Variants in MAGI2 observed in about 807,000 individuals in gnomAD.
MAGI2 encodes membrane-associated guanylate kinase, WW and PDZ domain-containing protein 2.
MAGI2 carries 35 observed loss-of-function variants against 133.3 expected under a neutral mutation model. The observed-to-expected ratio is 0.26, with a 90% confidence interval of 0.20 to 0.35. MAGI2 has a LOEUF of 0.35. Ranked by LOEUF, MAGI2 falls within the 10% of genes least tolerant of loss-of-function variation. The pLI is 1.00. For synonymous variants in MAGI2, 729 were observed against 710.6 expected, an observed-to-expected ratio of 1.03 and a Z score of -0.41; for missense variants, 1,636 against 1,863.4, an observed-to-expected ratio of 0.88 and a Z score of 2.25.
rs575572250 is a variant in MAGI2, at chr7:78,983,215, A to G, written c.418+23875T>C. Among the ~76,000 whole-genome samples the G allele has an allele frequency of 8.5e-5, 13 of 152,130 alleles. No homozygotes were observed. In the South Asian group the frequency reaches 2.3e-3, roughly 27 times the overall value. On this transcript the variant is annotated intron_variant, in intron 2 of 21. Coordinates refer to ENST00000354212, the MANE Select transcript of MAGI2 (RefSeq NM_012301.4). ...TGTGGCTTGCATTGTATTTTAATGA[A>G]CAGTACTTTAGATTTAGGGAATAAG...
chr7:79,446,764 CA>C (rs2129203267), intron 1 of MAGI2, among the ~76,000 whole-genome samples: 1 of 152,238 alleles, frequency 6.6e-6, no homozygotes, highest in East Asian at 1.9e-4. Context: ...TCCTGGCTAA[CA>C]CGGTGAAACC....
intron 3 of MAGI2, among the ~76,000 whole-genome samples, chr7:78,539,695 G>A (rs1035762311): frequency 6.6e-6 from 1 of 152,110 alleles, no homozygotes; most frequent in African/African-American, 2.4e-5. Context: ...CCACCCAGTG[G>A]TACTGGGTTG....
intron 9 of MAGI2, among the ~76,000 whole-genome samples, chr7:78,274,954 G>A (rs1392416051): frequency 1.3e-5 from 2 of 151,976 alleles, no homozygotes; most frequent in Non-Finnish European, 2.9e-5. Context: ...GGGAGTGAAT[G>A]GTTCTGTCTT....
chr7:78,894,371 A>G (rs1797035106), intron 2 of MAGI2, among the ~76,000 whole-genome samples: 1 of 152,176 alleles, frequency 6.6e-6, no homozygotes, highest in Non-Finnish European at 1.5e-5. Context: ...ATGGGCGACA[A>G]AGCCAGACTC....
At chr7:79,133,497 T>A (rs1043502203) in intron 1 of MAGI2, among the ~76,000 whole-genome samples, 1 of 152,226 alleles carries the variant, frequency 6.6e-6, no homozygotes, top group African/African-American at 2.4e-5. Context: ...TCTGTTCTGT[T>A]CCATTGTCCC....
At chr7:78,394,846 G>C (rs1796199626) in intron 6 of MAGI2, among the ~76,000 whole-genome samples, 2 of 152,180 alleles carry the variant, frequency 1.3e-5, no homozygotes, top group African/African-American at 4.8e-5. Context: ...TACAGTTGCA[G>C]GAATGGAAAG....
intron 10 of MAGI2, among the ~76,000 whole-genome samples, chr7:78,236,833 A>G (rs568579014): frequency 6.6e-6 from 1 of 152,242 alleles, no homozygotes; most frequent in Non-Finnish European, 1.5e-5. Context: ...AAGAGGTTTA[A>G]TGGACTCAAA....
chr7:78,146,532 TA>T (rs1274016507), intron 16 of MAGI2, among the ~76,000 whole-genome samples: 1 of 152,154 alleles, frequency 6.6e-6, no homozygotes, highest in Non-Finnish European at 1.5e-5. Flanking sequence ...TCTTGAGAGA[TA>T]AAAACATAAA....
intron 3 of MAGI2, among the ~76,000 whole-genome samples, chr7:78,605,129 G>C (rs988171940): frequency 6.6e-5 from 10 of 152,248 alleles, no homozygotes; most frequent in African/African-American, 2.4e-4. Context: ...GAAAACTGGA[G>C]TGGAGGGAAT....
chr7:78,645,092 T>A (rs1244387203), intron 2 of MAGI2, among the ~76,000 whole-genome samples: 1 of 151,952 alleles, frequency 6.6e-6, no homozygotes, highest in Non-Finnish European at 1.5e-5. Flanking sequence ...GTACAGTAGA[T>A]AGCCTGTATA....
Position 79,007,212 on chromosome 7 carries a change from A to C in MAGI2, c.302-6T>G, listed in dbSNP as rs772331162. Reference sequence around the variant, plus strand: ...GTCTTTATCAACAATTCCTCCTAAAAATAAAAAAAGTTTCTTGGTAAGGGA... The same window carrying C: ...GTCTTTATCAACAATTCCTCCTAAACATAAAAAAAGTTTCTTGGTAAGGGA... On this transcript the variant is annotated splice_polypyrimidine_tract_variant and splice_region_variant and intron_variant, in intron 1 of 21. Coordinates refer to ENST00000354212, the MANE Select transcript of MAGI2 (RefSeq NM_012301.4). The C allele has an allele frequency of 8.3e-6, 13 of 1,573,048 alleles. No homozygotes were observed. In the South Asian group the frequency reaches 1.5e-4, roughly 18 times the overall value.
chr7:78,531,820 C>A (rs73376279), intron 3 of MAGI2, among the ~76,000 whole-genome samples: 10 of 152,106 alleles, frequency 6.6e-5, no homozygotes, highest in African/African-American at 2.4e-4. Context: ...GAGACCTCTA[C>A]GACTATTTTT....
At chr7:78,598,650 C>A (rs1282253594) in intron 3 of MAGI2, among the ~76,000 whole-genome samples, 1 of 152,092 alleles carries the variant, frequency 6.6e-6, no homozygotes, top group Non-Finnish European at 1.5e-5. Flanking sequence ...ATCAAGGAAA[C>A]CCGTTGGGAG....
At chr7:79,313,929 A>C (rs1365494097) in intron 1 of MAGI2, among the ~76,000 whole-genome samples, 1 of 151,606 alleles carries the variant, frequency 6.6e-6, no homozygotes, top group African/African-American at 2.4e-5. Context: ...CAGCCTCCTG[A>C]GTAGCTGAGA....
chr7:78,761,032 A>G (rs914758229), intron 2 of MAGI2, among the ~76,000 whole-genome samples: 1 of 152,238 alleles, frequency 6.6e-6, no homozygotes, highest in African/African-American at 2.4e-5. Context: ...ACCAAGAATT[A>G]TTATAATTTT....
intron 1 of MAGI2, among the ~76,000 whole-genome samples, chr7:79,098,451 A>G (rs1303314984): frequency 6.6e-6 from 1 of 152,210 alleles, no homozygotes; most frequent in Non-Finnish European, 1.5e-5. Context: ...TGCTACATTA[A>G]TGTTAGCTCT....
chr7:78,306,274 C>T (rs149211571), intron 9 of MAGI2, among the ~76,000 whole-genome samples: 58 of 152,256 alleles, frequency 3.8e-4, no homozygotes, highest in African/African-American at 1.3e-3. Flanking sequence ...TCCCTCTAGT[C>T]ATCAGTTATG....
intron 1 of MAGI2, among the ~76,000 whole-genome samples, chr7:79,138,171 GAT>G (rs1821770062): frequency 6.6e-6 from 1 of 152,138 alleles, no homozygotes; most frequent in Admixed American, 6.5e-5. Context: ...AGAACTGTAA[GAT>G]CGTAAATTTG....
chr7:78,660,177 C>G (rs146982184), intron 2 of MAGI2, among the ~76,000 whole-genome samples: 2 of 151,774 alleles, frequency 1.3e-5, no homozygotes, highest in South Asian at 2.1e-4. Flanking sequence ...ATGTAAATGA[C>G]GAGTTAATGG....
Sources: allele counts gnomAD v4.1 joint callset (sites outside exome capture counted in the v4.1 genomes callset), GRCh38; gene constraint gnomAD v4.1.1; transcripts MANE v1.5; gene names NCBI Gene and HGNC (gene_info 2026-07-23, HGNC 2026-07-21).